CELF2: variants seen among roughly 807,000 people sequenced by gnomAD.
The protein encoded by CELF2 is CUGBP Elav-like family member 2.
CELF2 carries 8 observed loss-of-function variants against 62.6 expected under a neutral mutation model. That is an observed-to-expected ratio of 0.13 (90% confidence interval 0.07 to 0.23). The LOEUF is 0.23. Ranked by LOEUF, CELF2 falls within the 10% of genes least tolerant of loss-of-function variation. The pLI is 1.00. For missense variants in CELF2, 333 were observed against 671.0 expected, an observed-to-expected ratio of 0.50 and a Z score of 5.56; for synonymous variants, 258 against 250.0, an observed-to-expected ratio of 1.03 and a Z score of -0.30.
chr10:11,222,720 A>C (rs2065239074), intron 3 of CELF2, among the ~76,000 whole-genome samples: 1 of 152,254 alleles, frequency 6.6e-6, no homozygotes, highest in Non-Finnish European at 1.5e-5. Flanking sequence ...GCTCTTACAT[A>C]GTGAATGCCC....
chr10:10,548,793 G>A, the CELF2 span, among the ~76,000 whole-genome samples: 1 of 152,086 alleles, frequency 6.6e-6, no homozygotes, highest in African/African-American at 2.4e-5. Context: ...AGGATGTTTA[G>A]GGTGAGAAGA....
chr10:11,047,960 T>C (rs764747198), intron 1 of CELF2, among the ~76,000 whole-genome samples: 10 of 152,186 alleles, frequency 6.6e-5, no homozygotes, highest in Non-Finnish European at 1.3e-4. Context: ...AAAAATGAAC[T>C]AAATATCATA....
chr10:10,934,669 T>C lies in CELF2; in HGVS notation c.89+14670T>C, dbSNP rs1441149492. On this transcript the variant is annotated intron_variant, in intron 2 of 13. Coordinates refer to the CELF2 transcript ENST00000636488. The surrounding 1 kb of genome is among the most constrained non-coding windows in gnomAD (Gnocchi z 4.4). Reference sequence around the variant, plus strand: ...GGATGTCTGGAGGAAGAGGCATTCATTGGAAATGCAGAGCTAGAAAGAGGG... The same window carrying C: ...GGATGTCTGGAGGAAGAGGCATTCACTGGAAATGCAGAGCTAGAAAGAGGG... 1 of 152,314 alleles carries C rather than the reference T, an allele frequency of 6.6e-6. No individual in the cohort carries two copies. The highest frequency in any genetic ancestry group is 2.1e-4 in the South Asian group (1 of 4,828). The allele number at this position is 152,314 out of a possible 1,614,324, so 9.4% of individuals were successfully genotyped here. A position where few individuals can be genotyped will look rare whatever the true frequency, so the allele number is the denominator to read the frequency against.
chr10:10,801,545 T>C (rs1464561500), intron 1 of CELF2, among the ~76,000 whole-genome samples: 2 of 152,210 alleles, frequency 1.3e-5, no homozygotes, highest in African/African-American at 2.4e-5. Context: ...CAGGGTTGTC[T>C]GTGATCTGAG....
At chr10:11,078,928 T>A (rs1264905692) in intron 1 of CELF2, among the ~76,000 whole-genome samples, 1 of 152,242 alleles carries the variant, frequency 6.6e-6, no homozygotes, top group Non-Finnish European at 1.5e-5. Context: ...ATTAAGCAAA[T>A]GCTGTTGGAC....
intron 1 of CELF2, among the ~76,000 whole-genome samples, chr10:10,850,781 A>C (rs1012887510): frequency 6.6e-6 from 1 of 152,068 alleles, no homozygotes; most frequent in Non-Finnish European, 1.5e-5. Flanking sequence ...AAGGAAACTG[A>C]GACATAGATA....
chr10:10,484,497 A>G, the CELF2 span, among the ~76,000 whole-genome samples: 9 of 149,392 alleles, frequency 6.0e-5, no homozygotes, highest in Non-Finnish European at 1.3e-4. Flanking sequence ...TTGTATTTTT[A>G]GTAGAGACGG....
At chr10:10,508,529 C>T in the CELF2 span, among the ~76,000 whole-genome samples, 8 of 152,168 alleles carry the variant, frequency 5.3e-5, no homozygotes, top group Admixed American at 1.3e-4. Flanking sequence ...TAAGCCCTGG[C>T]TCCAATTAGG....
intron 1 of CELF2, among the ~76,000 whole-genome samples, chr10:11,055,603 G>C (rs903275071): frequency 6.6e-6 from 1 of 152,300 alleles, no homozygotes; most frequent in South Asian, 2.1e-4. Flanking sequence ...TTTAAGATTC[G>C]TTCTAAACCT....
chr10:10,545,650 A>G, the CELF2 span, among the ~76,000 whole-genome samples: 1 of 152,198 alleles, frequency 6.6e-6, no homozygotes, highest in Non-Finnish European at 1.5e-5. Flanking sequence ...CCTCAGGATG[A>G]ATATCTAAAA....
intron 1 of CELF2, among the ~76,000 whole-genome samples, chr10:11,133,565 A>T (rs2059940289): frequency 6.6e-6 from 1 of 152,210 alleles, no homozygotes; most frequent in South Asian, 2.1e-4. Flanking sequence ...TGTCAGAACA[A>T]AATCACAAAC....
intron 2 of CELF2, among the ~76,000 whole-genome samples, chr10:11,175,743 C>T (rs2070834013): frequency 6.6e-6 from 1 of 152,120 alleles, no homozygotes. Context: ...GAATATAGAA[C>T]AGAAACGATG....
intron 1 of CELF2, among the ~76,000 whole-genome samples, chr10:11,032,617 A>G (rs745873516): frequency 2.0e-5 from 3 of 152,196 alleles, no homozygotes; most frequent in Non-Finnish European, 2.9e-5. Flanking sequence ...GAAATTTACA[A>G]TCTACGTGGT....
the CELF2 span, among the ~76,000 whole-genome samples, chr10:10,773,074 C>G: frequency 2.6e-5 from 4 of 152,288 alleles, no homozygotes; most frequent in South Asian, 8.3e-4. Flanking sequence ...GCTGATTTAG[C>G]ATTTCTGCAG....
At chr10:10,802,468 T>TCAAA (rs1238833884) in intron 1 of CELF2, among the ~76,000 whole-genome samples, 4 of 152,128 alleles carry the variant, frequency 2.6e-5, no homozygotes, top group East Asian at 3.9e-4. Flanking sequence ...AGACTCTGTC[T>TCAAA]CAAACAAACA....
the CELF2 span, among the ~76,000 whole-genome samples, chr10:10,696,848 C>T: frequency 1.1e-4 from 16 of 152,340 alleles, no homozygotes; most frequent in South Asian, 4.1e-4. Flanking sequence ...GGCTAGCGCA[C>T]GGTGCGTGCA....
chr10:10,536,761 G>A, the CELF2 span, among the ~76,000 whole-genome samples: 1 of 152,190 alleles, frequency 6.6e-6, no homozygotes, highest in Admixed American at 6.5e-5. Flanking sequence ...AGTATTTACT[G>A]GGTAACTGAA....
At chr10:10,866,359 C>A (rs949701280) in intron 1 of CELF2, among the ~76,000 whole-genome samples, 1 of 78,128 alleles carries the variant, frequency 1.3e-5, no homozygotes, top group Non-Finnish European at 2.3e-5. Flanking sequence ...TGCCTGTAAT[C>A]CCAGCACTTT....
intron 9 of CELF2, among the ~76,000 whole-genome samples, chr10:11,298,710 T>C (rs2093426839): frequency 6.6e-6 from 1 of 152,198 alleles, no homozygotes; most frequent in African/African-American, 2.4e-5. Context: ...CACATATTTA[T>C]ATTTATGTAA....
Sources: allele counts gnomAD v4.1 joint callset (sites outside exome capture counted in the v4.1 genomes callset), GRCh38; gene constraint gnomAD v4.1.1; non-coding constraint Gnocchi (gnomAD v3.1); transcripts MANE v1.5; gene names NCBI Gene and HGNC (gene_info 2026-07-23, HGNC 2026-07-21).